ARHGAP25: variants seen among roughly 807,000 people sequenced by gnomAD.
ARHGAP25 encodes the protein rho GTPase-activating protein 25.
In ARHGAP25, 34 loss-of-function variants were observed where a neutral mutation model predicts 71.0. The ratio of observed to expected loss-of-function variants is 0.48; its 90% CI spans 0.36 to 0.64. The LOEUF is 0.64. Among genes scored for constraint, ARHGAP25 ranks in the 30% least tolerant of loss-of-function variants. The pLI, the probability that ARHGAP25 is intolerant of heterozygous loss-of-function variation, is 0.00. For synonymous variants in ARHGAP25, 282 were observed against 296.5 expected, an observed-to-expected ratio of 0.95 and a Z score of 0.50; for missense variants, 706 against 805.1, an observed-to-expected ratio of 0.88 and a Z score of 1.49.
At chr2:68,796,138 C>A (rs1679523677) in intron 4 of ARHGAP25, among the ~76,000 whole-genome samples, 2 of 152,096 alleles carry the variant, frequency 1.3e-5, no homozygotes, top group Non-Finnish European at 2.9e-5. Flanking sequence ...TGAATGTTTT[C>A]TGTAATTCCT....
intron 2 of ARHGAP25, among the ~76,000 whole-genome samples, chr2:68,722,236 TC>T (rs1383093684): frequency 5.3e-5 from 8 of 152,230 alleles, no homozygotes; most frequent in African/African-American, 1.9e-4. Context: ...CTCTAAGGGC[TC>T]TTCAGAACTC....
chr2:68,810,709 C>G (rs969902653), intron 5 of ARHGAP25, among the ~76,000 whole-genome samples: 1 of 146,416 alleles, frequency 6.8e-6, no homozygotes, highest in Non-Finnish European at 1.5e-5. Context: ...TTCAAAAGAT[C>G]CAATTTCTTT....
chr2:68,715,471 T>C lies in ARHGAP25; in HGVS notation c.-18+4773T>C, dbSNP rs373580696. Among the ~76,000 whole-genome samples the C allele has an allele frequency of 5.9e-5, 9 of 152,324 alleles. 1 individual carries two copies. In the South Asian group the frequency reaches 1.9e-3, roughly 32 times the overall value. Reference sequence around the variant, plus strand: ...TTGGTTTGGGGTGGGCACGTGACCCTGCTCTGGCTAATGCAGTGCAATGGG... The same window carrying C: ...TTGGTTTGGGGTGGGCACGTGACCCCGCTCTGGCTAATGCAGTGCAATGGG... On this transcript the variant is annotated intron_variant and NMD_transcript_variant, in intron 2 of 7. Coordinates refer to the ARHGAP25 transcript ENST00000463483.
chr2:68,747,058 C>A (rs1054683317), intron 1 of ARHGAP25, among the ~76,000 whole-genome samples: 5 of 149,138 alleles, frequency 3.4e-5, no homozygotes, highest in African/African-American at 4.9e-5. Context: ...CTTCTTGACA[C>A]AGGCTTTCAA....
intron 1 of ARHGAP25, 87 bp downstream of exon 1, chr2:68,735,347 A>C: frequency 1.5e-6 from 2 of 1,362,614 alleles, no homozygotes; most frequent in Non-Finnish European, 2.1e-6. Flanking sequence ...AGCATAGTCT[A>C]CTTAAAAATG....
chr2:68,737,285 A>G (rs989177454), intron 1 of ARHGAP25, among the ~76,000 whole-genome samples: 1 of 152,204 alleles, frequency 6.6e-6, no homozygotes, highest in Admixed American at 6.5e-5. Context: ...AACTGTAGGA[A>G]CTGGCTTACC....
At chr2:68,807,781 G>A (rs1680483305) in intron 5 of ARHGAP25, among the ~76,000 whole-genome samples, 1 of 152,186 alleles carries the variant, frequency 6.6e-6, no homozygotes. Flanking sequence ...AGGGGAGAAA[G>A]ATGGGACGTT....
chr2:68,769,958 G>A (rs1257171085), intron 1 of ARHGAP25, among the ~76,000 whole-genome samples: 1 of 152,198 alleles, frequency 6.6e-6, no homozygotes. Context: ...GGGAGATGCT[G>A]GGGGTCATCA....
chr2:68,719,449 A>AAAACCCC (rs2104253933), intron 2 of ARHGAP25, among the ~76,000 whole-genome samples: 1 of 152,056 alleles, frequency 6.6e-6, no homozygotes, highest in African/African-American at 2.4e-5. Flanking sequence ...AAAAAGAAAA[A>AAAACCCC]AAACCCCACA....
At chr2:68,760,863 C>CAA (rs749565883) in intron 1 of ARHGAP25, among the ~76,000 whole-genome samples, 2 of 54,540 alleles carry the variant, frequency 3.7e-5, no homozygotes, top group African/African-American at 7.6e-5. Flanking sequence ...TCCTGAATAG[C>CAA]AAAAAAAAAA....
intron 2 of ARHGAP25, among the ~76,000 whole-genome samples, chr2:68,780,888 C>T (rs188075137): frequency 2.0e-5 from 3 of 152,278 alleles, no homozygotes; most frequent in East Asian, 1.9e-4. Context: ...AATAAAGACA[C>T]GTGTGTTTAC....
At chr2:68,792,302 T>A (rs1179705332) in intron 4 of ARHGAP25, among the ~76,000 whole-genome samples, 3 of 152,216 alleles carry the variant, frequency 2.0e-5, no homozygotes, top group Non-Finnish European at 4.4e-5. Context: ...GGTGCAAATT[T>A]GTTACATGCA....
chr2:68,786,032 G>C (rs973357151), intron 3 of ARHGAP25, among the ~76,000 whole-genome samples: 2 of 152,030 alleles, frequency 1.3e-5, no homozygotes, highest in African/African-American at 2.4e-5. Context: ...TTGTCTCTTG[G>C]ACCTATCTTA....
chr2:68,729,544 CA>C (rs1302674852), intron 2 of ARHGAP25, among the ~76,000 whole-genome samples: 1 of 152,044 alleles, frequency 6.6e-6, no homozygotes, highest in African/African-American at 2.4e-5. Flanking sequence ...GCCCAATAAA[CA>C]CATTAAAAAA....
intron 1 of ARHGAP25, among the ~76,000 whole-genome samples, chr2:68,766,734 T>TCTCTC (rs1558622683): frequency 6.8e-6 from 1 of 146,860 alleles, no homozygotes; most frequent in African/African-American, 2.7e-5. Context: ...CTCTCTCTCT[T>TCTCTC]GTTCTCACTC....
chr2:68,759,609 C>T (rs1362060683), intron 1 of ARHGAP25, among the ~76,000 whole-genome samples: 1 of 151,334 alleles, frequency 6.6e-6, no homozygotes, highest in African/African-American at 2.4e-5. Flanking sequence ...TCAAAAATCT[C>T]CTAATGAATT....
At chr2:68,751,989 A>G (rs1317041630) in intron 1 of ARHGAP25, among the ~76,000 whole-genome samples, 1 of 152,190 alleles carries the variant, frequency 6.6e-6, no homozygotes, top group African/African-American at 2.4e-5. Flanking sequence ...CAAGCTGTGC[A>G]GGTTCCTGGC....
intron 1 of ARHGAP25, among the ~76,000 whole-genome samples, chr2:68,766,859 AC>A (rs1677152729): frequency 6.6e-6 from 1 of 151,846 alleles, no homozygotes; most frequent in Admixed American, 6.6e-5. Flanking sequence ...TCATATTGCT[AC>A]CAAGACAGCA....
rs1261870578 is a variant in ARHGAP25, at chr2:68,769,990, A to G, written c.62-5231A>G. ...ATCAGAGGCTTTTAGGCAGGAAGGT[A>G]ACATGATCAGAATTCTGTTTGAGAA... On this transcript the variant is annotated intron_variant, in intron 1 of 10. Coordinates refer to ENST00000409202, the MANE Select transcript of ARHGAP25 (RefSeq NM_001007231.3). Among the ~76,000 whole-genome samples the G allele has an allele frequency of 2.6e-5, 4 of 152,208 alleles. No homozygotes were observed. In the East Asian group the frequency reaches 7.7e-4, roughly 29 times the overall value.
Sources: allele counts gnomAD v4.1 joint callset (sites outside exome capture counted in the v4.1 genomes callset), GRCh38; gene constraint gnomAD v4.1.1; transcripts MANE v1.5; gene names NCBI Gene and HGNC (gene_info 2026-07-23, HGNC 2026-07-21).